Variants in PRRC2C observed in about 807,000 individuals in gnomAD.
PRRC2C encodes protein PRRC2C.
Under a neutral mutation model 317.2 loss-of-function variants are expected in PRRC2C, and 72 were observed. The observed-to-expected ratio is 0.23, with a 90% CI of 0.19 to 0.28. PRRC2C has a LOEUF of 0.28. Ranked by LOEUF, PRRC2C falls within the 10% of genes least tolerant of loss-of-function variation. The pLI, the probability that PRRC2C is intolerant of heterozygous loss-of-function variation, is 1.00. For missense variants in PRRC2C, 3,074 were observed against 3,459.7 expected, an observed-to-expected ratio of 0.89 and a Z score of 2.80; for synonymous variants, 1,296 against 1,205.9, an observed-to-expected ratio of 1.07 and a Z score of -1.55.
chr1:171,503,707 G>A (rs1669618472), intron 1 of PRRC2C, among the ~76,000 whole-genome samples: 1 of 152,102 alleles, frequency 6.6e-6, no homozygotes, highest in African/African-American at 2.4e-5. Flanking sequence ...ATGATGCTGA[G>A]TGTATTAGTT....
chr1:171,541,096 C>T lies in PRRC2C; in HGVS notation c.3630C>T (p.Gly1210=). The T allele has an allele frequency of 6.2e-7, 1 of 1,613,718 alleles. No homozygotes were observed. Among genetic ancestry groups the T allele is most frequent in the Non-Finnish European group, 8.5e-7 (1 of 1,179,850 alleles). ...ATAGAGGTTCTTATGGAGGGCGTGGCAGGGGTGGTAGGGGACACACTCGAG... is the reference window on the plus strand; with the variant it reads ...ATAGAGGTTCTTATGGAGGGCGTGGTAGGGGTGGTAGGGGACACACTCGAG... The part of the protein sequence containing the change: ...RSYRGSYGGR[G]RGGRGHTRDY... Residue 1210 remains glycine (G), a synonymous_variant, in exon 16 of 35, where the codon GGC becomes GGT. Coordinates refer to ENST00000647382, the MANE Select transcript of PRRC2C (RefSeq NM_001387844.1). This position sits in a 1 kb window ranked among gnomAD's most constrained non-coding sequence, Gnocchi z 4.1.
chr1:171,531,962 T>G (rs1451091017), intron 11 of PRRC2C, among the ~76,000 whole-genome samples: 2 of 152,224 alleles, frequency 1.3e-5, no homozygotes, highest in African/African-American at 4.8e-5. Flanking sequence ...ATACCTTCAT[T>G]TCTCTCCCTT....
chr1:171,579,686 C>A, intron 27 of PRRC2C, 142 bp from the exon 28 acceptor site: 1 of 1,282,192 alleles, frequency 7.8e-7, no homozygotes, highest in Non-Finnish European at 1.0e-6. Flanking sequence ...TAGATGTTTA[C>A]ATTCAGTTTT....
chr1:171,569,575 A>AATATATATATAT lies in PRRC2C; in HGVS notation c.6651+1243_6651+1254dup, dbSNP rs60832207. ...CCCCCACTTTTATGAAAGTGGTTTA[A>AATATATATATAT]ATATATATATATATATATGGTTTTT... On this transcript the variant is annotated intron_variant, in intron 23 of 34. Coordinates refer to ENST00000647382, the MANE Select transcript of PRRC2C (RefSeq NM_001387844.1). Among the ~76,000 whole-genome samples the AATATATATATAT allele has an allele frequency of 4.2e-3, 253 of 60,140 alleles. 30 individuals are homozygous for AATATATATATAT. Among genetic ancestry groups the AATATATATATAT allele is most frequent in the Middle Eastern group, 0.019 (2 of 104 alleles). 39.5% of individuals were successfully genotyped at this position (60,140 alleles called of 152,430 possible).
chr1:171,591,886 G>GCCCCCCC lies in PRRC2C; in HGVS notation c.*39_*40insCCCCCCC. On this transcript the variant is annotated 3_prime_UTR_variant, in exon 35 of 35. Transcript: ENST00000647382. The stretch of plus-strand genomic sequence containing the variant: ...TTGCAGGGGATTGGGAGGGGGGCGG[G>GCCCCCCC]AAAACATGGAGAATTAAGTCAGATA... The GCCCCCCC allele has an allele frequency of 6.3e-5, 30 of 475,460 alleles. No individual in the cohort carries two copies. Among genetic ancestry groups the GCCCCCCC allele is most frequent in the East Asian group, 1.2e-4 (2 of 16,252 alleles). The allele number at this position is 475,460 out of a possible 1,614,324, so 29.5% of individuals were successfully genotyped here. A position where few individuals can be genotyped will look rare whatever the true frequency, so the allele number is the denominator to read the frequency against.
chr1:171,585,013 G>A (rs1472445843), intron 30 of PRRC2C, among the ~76,000 whole-genome samples: 1 of 152,146 alleles, frequency 6.6e-6, no homozygotes, highest in Non-Finnish European at 1.5e-5. Flanking sequence ...CTGGTTTCAA[G>A]CGATCTGCCT....
chr1:171,559,202 G>C (rs529045537), intron 19 of PRRC2C, among the ~76,000 whole-genome samples: 2 of 152,338 alleles, frequency 1.3e-5, no homozygotes, highest in South Asian at 4.1e-4. Context: ...TGAGATAATG[G>C]ATGAAGGTGG....
intron 17 of PRRC2C, among the ~76,000 whole-genome samples, chr1:171,546,465 T>C (rs1254244323): frequency 1.3e-5 from 2 of 152,250 alleles, no homozygotes; most frequent in Non-Finnish European, 2.9e-5. Flanking sequence ...TGCCTAATTG[T>C]TATTTGTACA....
In PRRC2C at chr1:171,524,833, T is replaced by C; in HGVS notation, c.1068T>C (p.Gly356=). Residue 356 remains glycine, a synonymous_variant, in exon 10 of 35, where the codon GGT becomes GGC. Transcript: ENST00000647382. ...SPKENNSEDQ[G]SKASENNENK... The stretch of plus-strand genomic sequence containing the variant: ...TTTGATTTTTCAGTGAGGATCAAGG[T>C]TCAAAAGCCTCTGAAAACAACGAAA... 1 of 1,570,528 alleles carries C rather than the reference T, an allele frequency of 6.4e-7. No homozygotes were observed. Among genetic ancestry groups the C allele is most frequent in the South Asian group, 1.2e-5 (1 of 85,170 alleles).
At chr1:171,542,880 C>T (rs1032193235) in intron 16 of PRRC2C, among the ~76,000 whole-genome samples, 65 of 151,930 alleles carry the variant, frequency 4.3e-4, no homozygotes, top group African/African-American at 1.5e-3. Flanking sequence ...CCTGCCTCAG[C>T]CTCCCAAGTA....
intron 1 of PRRC2C, among the ~76,000 whole-genome samples, chr1:171,506,117 G>A (rs1048759840): frequency 3.3e-5 from 5 of 152,138 alleles, no homozygotes; most frequent in South Asian, 2.1e-4. Flanking sequence ...GACTGGTCTC[G>A]AACTCCTGAC....
chr1:171,564,680 T>C (rs1441523038), intron 20 of PRRC2C, among the ~76,000 whole-genome samples: 1 of 152,220 alleles, frequency 6.6e-6, no homozygotes, highest in Non-Finnish European at 1.5e-5. Context: ...GCTACAAACC[T>C]ATACAGCTTA....
At chr1:171,587,880 A>G in intron 32 of PRRC2C, 129 bp downstream of exon 32, 1 of 600,120 alleles carries the variant, frequency 1.7e-6, no homozygotes, top group South Asian at 2.5e-5. Context: ...TCTTTTTGAT[A>G]GTTTTGTCTA....
chr1:171,577,771 A>ATAATTTTTTTTTTTTTTTTTTTTTTTT (rs72021003), intron 26 of PRRC2C, 134 bp downstream of exon 26: 1 of 257,514 alleles, frequency 3.9e-6, no homozygotes, highest in African/African-American at 7.0e-5. Flanking sequence ...TTAAATTCGC[A>ATAATTTTTTTTTTTTTTTTTTTTTTTT]TTTTTTTTTT....
chr1:171,551,112 C>T (rs1399800060), intron 18 of PRRC2C, among the ~76,000 whole-genome samples: 3 of 152,192 alleles, frequency 2.0e-5, no homozygotes, highest in East Asian at 1.9e-4. Flanking sequence ...TATTTCTCCA[C>T]GTCCTCTCCA....
At chr1:171,496,573 CTTG>C (rs2102082089) in intron 1 of PRRC2C, among the ~76,000 whole-genome samples, 1 of 152,182 alleles carries the variant, frequency 6.6e-6, no homozygotes, top group East Asian at 1.9e-4. Context: ...AGATTCCCCA[CTTG>C]TTAATATTTT....
At chr1:171,565,654 G>T (rs1369023544) in intron 20 of PRRC2C, among the ~76,000 whole-genome samples, 11 of 152,100 alleles carry the variant, frequency 7.2e-5, no homozygotes, top group Non-Finnish European at 1.6e-4. Flanking sequence ...CACCATGTTG[G>T]TCAGGCTGGT....
rs564307554 is a variant in PRRC2C, at chr1:171,515,720, A to T, written c.401-14A>T. The T allele has an allele frequency of 7.4e-5, 116 of 1,568,658 alleles. No individual in the cohort carries two copies. Among genetic ancestry groups the T allele is most frequent in the East Asian group, 1.8e-4 (8 of 44,262 alleles). On this transcript the variant is annotated splice_polypyrimidine_tract_variant and intron_variant, in intron 4 of 34. Coordinates refer to ENST00000647382, the MANE Select transcript of PRRC2C (RefSeq NM_001387844.1). Reference sequence around the variant, plus strand: ...TAAAAGTTACCTTTAATGTTTTTTTAAAAAAATCTATAGGAATCCAAGTGA... The same window carrying T: ...TAAAAGTTACCTTTAATGTTTTTTTTAAAAAATCTATAGGAATCCAAGTGA...
intron 19 of PRRC2C, among the ~76,000 whole-genome samples, chr1:171,559,502 C>A (rs1572007079): frequency 8.3e-6 from 1 of 120,516 alleles, no homozygotes; most frequent in Admixed American, 1.0e-4. Context: ...AATGGCATAC[C>A]AAGTTTGTTT....
Sources: allele counts gnomAD v4.1 joint callset (sites outside exome capture counted in the v4.1 genomes callset), GRCh38; gene constraint gnomAD v4.1.1; non-coding constraint Gnocchi (gnomAD v3.1); transcripts MANE v1.5; gene names NCBI Gene and HGNC (gene_info 2026-07-23, HGNC 2026-07-21).